The following CIMIP5 variants were observed in gnomAD, a reference collection of about 807,000 sequenced individuals.
CIMIP5 encodes the protein uncharacterized protein C2orf50.
the CIMIP5 span, among the ~76,000 whole-genome samples, chr2:11,143,016 T>A: frequency 6.6e-6 from 1 of 152,192 alleles, no homozygotes; most frequent in Admixed American, 6.5e-5. Context: ...CAGATTACAT[T>A]TAGTCATTCA....
At chr2:11,152,046 G>A in the CIMIP5 span, among the ~76,000 whole-genome samples, 50 of 152,330 alleles carry the variant, frequency 3.3e-4, no homozygotes, top group Non-Finnish European at 5.1e-4. Flanking sequence ...AAGTTTTCTC[G>A]CTGTCTTCTG....
the CIMIP5 span, among the ~76,000 whole-genome samples, chr2:11,135,646 GT>G: frequency 2.5e-4 from 29 of 114,320 alleles, no homozygotes; most frequent in Admixed American, 2.1e-3. Context: ...GGCCAGGCTG[GT>G]TTTTTTTGGG....
the CIMIP5 span, among the ~76,000 whole-genome samples, chr2:11,152,839 G>A: frequency 1.3e-5 from 2 of 151,788 alleles, no homozygotes; most frequent in Non-Finnish European, 2.9e-5. Flanking sequence ...AGACCCAAAC[G>A]CCTTCCTGCA....
At chr2:11,140,619 T>A in the CIMIP5 span, 2 of 1,240,944 alleles carry the variant, frequency 1.6e-6, no homozygotes, top group Non-Finnish European at 1.1e-6. Flanking sequence ...ATCATTCAAC[T>A]AACATTTATT....
At chr2:11,133,802 G>A in the CIMIP5 span, among the ~76,000 whole-genome samples, 4 of 152,188 alleles carry the variant, frequency 2.6e-5, no homozygotes, top group Admixed American at 2.6e-4. Flanking sequence ...AAGACCAGAT[G>A]CCGCTGGGTC....
the CIMIP5 span, among the ~76,000 whole-genome samples, chr2:11,148,392 C>T: frequency 1.3e-5 from 2 of 152,174 alleles, no homozygotes; most frequent in South Asian, 4.1e-4. Flanking sequence ...GCTGGGATTA[C>T]AGGCATGAGC....
the CIMIP5 span, among the ~76,000 whole-genome samples, chr2:11,151,166 T>C: frequency 3.6e-4 from 55 of 152,256 alleles, no homozygotes; most frequent in African/African-American, 1.3e-3. Flanking sequence ...CTTCGAGTTG[T>C]CCTGTGTTAC....
the CIMIP5 span, among the ~76,000 whole-genome samples, chr2:11,137,700 G>C: frequency 3.3e-5 from 5 of 152,190 alleles, no homozygotes; most frequent in Non-Finnish European, 4.4e-5. Flanking sequence ...TAACAAGAAA[G>C]TGAGACATGG....
At chr2:11,152,220 C>A in the CIMIP5 span, among the ~76,000 whole-genome samples, 1 of 152,248 alleles carries the variant, frequency 6.6e-6, no homozygotes, top group Non-Finnish European at 1.5e-5. Flanking sequence ...CAGACTCTTG[C>A]AGCCAGAGGC....
At chr2:11,148,434 A>G in the CIMIP5 span, among the ~76,000 whole-genome samples, 1 of 151,892 alleles carries the variant, frequency 6.6e-6, no homozygotes, top group South Asian at 2.1e-4. Flanking sequence ...CACATGATAA[A>G]AAATGACTTC....
chr2:11,133,501 G>A, the CIMIP5 span: 4 of 1,608,394 alleles, frequency 2.5e-6, no homozygotes, highest in Non-Finnish European at 2.5e-6. Context: ...AAGGCGCAGC[G>A]GGTGGCTCAG....
At chr2:11,144,072 C>T in the CIMIP5 span, 15 of 1,599,466 alleles carry the variant, frequency 9.4e-6, no homozygotes, top group Non-Finnish European at 1.2e-5. Flanking sequence ...CAGAAGGGGC[C>T]CGGAAGAAGA....
At chr2:11,148,732 C>CTT in the CIMIP5 span, among the ~76,000 whole-genome samples, 23 of 35,528 alleles carry the variant, frequency 6.5e-4, no homozygotes, top group Non-Finnish European at 1.5e-3. Flanking sequence ...AATGAAAACT[C>CTT]TTTTTTTTTT....
the CIMIP5 span, among the ~76,000 whole-genome samples, chr2:11,141,945 A>G: frequency 1.3e-3 from 200 of 152,304 alleles, no homozygotes; most frequent in African/African-American, 4.6e-3. Context: ...GGATGAATGA[A>G]TGAATGGAAA....
chr2:11,148,828 G>A, the CIMIP5 span, among the ~76,000 whole-genome samples: 6 of 145,550 alleles, frequency 4.1e-5, no homozygotes, highest in Admixed American at 1.4e-4. Context: ...TTCGCCTCCT[G>A]GGTTCAAGCG....
the CIMIP5 span, among the ~76,000 whole-genome samples, chr2:11,154,092 TC>T: frequency 6.6e-6 from 1 of 152,112 alleles, no homozygotes; most frequent in East Asian, 1.9e-4. Flanking sequence ...TCCTCCTGTC[TC>T]AGCCTCCCGA....
the CIMIP5 span, among the ~76,000 whole-genome samples, chr2:11,137,277 G>T: frequency 1.3e-5 from 2 of 152,122 alleles, no homozygotes; most frequent in Non-Finnish European, 2.9e-5. Context: ...GGAGGCTGAC[G>T]CAGGGAGAAT....
At chr2:11,140,646 C>A in the CIMIP5 span, 2 of 951,962 alleles carry the variant, frequency 2.1e-6, no homozygotes, top group Non-Finnish European at 3.1e-6. Flanking sequence ...CTACTCTACA[C>A]CAGATACTGG....
chr2:11,150,437 A>G, the CIMIP5 span, among the ~76,000 whole-genome samples: 1 of 151,166 alleles, frequency 6.6e-6, no homozygotes, highest in African/African-American at 2.4e-5. Context: ...GGTTCAAGCA[A>G]TTCTCCTGCC....
Sources: gnomAD v4.1 joint callset for allele counts (sites outside exome capture counted in the v4.1 genomes callset) on GRCh38, gnomAD v4.1.1 for gene constraint, MANE v1.5 for transcripts, NCBI Gene and HGNC (gene_info 2026-07-23, HGNC 2026-07-21) for gene names.